ADH7: variants seen among roughly 807,000 people sequenced by gnomAD.
ADH7 encodes all-trans-retinol dehydrogenase [NAD(+)] ADH7.
A neutral mutation model predicts 34.4 loss-of-function variants in ADH7; 41 were observed. That is an observed-to-expected ratio of 1.19 (90% confidence interval 0.93 to 1.55). The LOEUF is 1.55. Ranked by LOEUF, ADH7 falls within the 40% of genes most tolerant of loss-of-function variation. The probability of loss-of-function intolerance (pLI) is 0.00; values close to 1 mark genes in which losing one functional copy is unlikely to be tolerated. For synonymous variants in ADH7, 180 were observed against 160.9 expected (o/e 1.12, Z -0.90); for missense variants, 540 against 461.2 (o/e 1.17, Z -1.56).
chr4:99,428,535 C>G lies in ADH7; in HGVS notation c.216G>C (p.Gly72=). 5 of 1,613,902 alleles carry G rather than the reference C, an allele frequency of 3.1e-6. No individual in the cohort carries two copies. Among genetic ancestry groups the G allele is most frequent in the Non-Finnish European group, 4.2e-6 (5 of 1,179,884 alleles). Residue 72 remains glycine (G), a synonymous_variant, in exon 3 of 9, where the codon GGG becomes GGC. Transcript: ENST00000437033. ...FPVIVGHEAT[G]IVESIGEGVT... ...CTCCTTCTCCAATGCTCTCTACAAT[C>G]CCAGTTGCCTCATGTCCCACAATCA...
intron 1 of ADH7, among the ~76,000 whole-genome samples, chr4:99,431,496 T>C (rs1721936594): frequency 6.6e-6 from 1 of 152,194 alleles, no homozygotes; most frequent in East Asian, 1.9e-4. Flanking sequence ...AAAGGGCTTC[T>C]GCACAGCAAG....
rs1721584626 is a variant in ADH7, at chr4:99,418,994, A to G, written c.953T>C (p.Val318Ala). The G allele has an allele frequency of 6.2e-7, 1 of 1,613,712 alleles. No individual in the cohort carries two copies. The highest frequency in any genetic ancestry group is 1.3e-5 in the African/African-American group (1 of 75,016). Reference sequence around the variant, plus strand: ...GGCTTTGCTTTCCTGACCTCCAAAGACACATCCCTTCCATGTGCGTCCAGT... The same window carrying G: ...GGCTTTGCTTTCCTGACCTCCAAAGGCACATCCCTTCCATGTGCGTCCAGT... ...LFTGRTWKGC[V>A]FGGLKSRDDV... Residue 318 changes from valine (V) to alanine (A), a missense_variant, in exon 7 of 9, where the codon GTC becomes GCC. By Grantham distance (64) the Val-to-Ala change is moderately conservative. Transcript: ENST00000437033.
intron 5 of ADH7, among the ~76,000 whole-genome samples, chr4:99,421,344 C>A (rs1579574682): frequency 6.6e-6 from 1 of 152,264 alleles, no homozygotes; most frequent in Admixed American, 6.5e-5. Flanking sequence ...AGAAATAACA[C>A]CACACATCTA....
Position 99,427,756 on chromosome 4 carries a change from C to T in ADH7, c.564+17G>A, listed in dbSNP as rs754625487. 2.0e-6 allele frequency: 3 copies of T among 1,484,524 alleles called. No homozygotes were observed. The highest frequency in any genetic ancestry group is 1.5e-5 in the South Asian group (1 of 67,622). The allele number at this position is 1,484,524 out of a possible 1,614,324, so 92.0% of individuals were successfully genotyped here. ...AAGGAAAGAAGAACAAATAAACTAGCCTACCCTGTTTCTTACCTTGCCAGT... is the reference window on the plus strand; with the variant it reads ...AAGGAAAGAAGAACAAATAAACTAGTCTACCCTGTTTCTTACCTTGCCAGT... On this transcript the variant is annotated intron_variant, in intron 5 of 8. Transcript: ENST00000437033.
At chr4:99,431,897 A>G (rs562681427) in intron 1 of ADH7, among the ~76,000 whole-genome samples, 2 of 152,340 alleles carry the variant, frequency 1.3e-5, no homozygotes, top group African/African-American at 2.4e-5. Flanking sequence ...CCACTGTGGA[A>G]AGCAGTCTGG....
Position 99,419,136 on chromosome 4 carries a change from G to C in ADH7, c.826-15C>G. The C allele has an allele frequency of 6.2e-7, 1 of 1,611,528 alleles. No homozygotes were observed. The highest frequency in any genetic ancestry group is 8.5e-7 in the Non-Finnish European group (1 of 1,178,672). ...AGGGCATCAATCTGAGTTTAAAACG[G>C]AGGAGATCGTTTGCTTCCTGTGTCT... On this transcript the variant is annotated splice_polypyrimidine_tract_variant and intron_variant, in intron 6 of 8. Coordinates refer to ENST00000437033, the MANE Select transcript of ADH7 (RefSeq NM_000673.7).
intron 1 of ADH7, chr4:99,435,014 A>T: frequency 6.6e-7 from 1 of 1,524,764 alleles, no homozygotes. Flanking sequence ...TGGATATACT[A>T]TTTCCAACTT....
chr4:99,433,809 A>T (rs1179881364), intron 1 of ADH7, among the ~76,000 whole-genome samples: 2 of 152,166 alleles, frequency 1.3e-5, no homozygotes, highest in Non-Finnish European at 2.9e-5. Context: ...ACAAGAAAAC[A>T]AATTTCTGCT....
At chr4:99,419,499 G>A (rs550565630) in intron 6 of ADH7, among the ~76,000 whole-genome samples, 1 of 151,786 alleles carries the variant, frequency 6.6e-6, no homozygotes, top group East Asian at 1.9e-4. Context: ...TTTTTTTTAA[G>A]TTTAGTCTTA....
At chr4:99,415,800 GA>G (rs2110132422) in intron 7 of ADH7, 184 bp from the exon 8 acceptor site, 1 of 523,016 alleles carries the variant, frequency 1.9e-6, no homozygotes, top group African/African-American at 1.9e-5. Context: ...CCATAAAAAA[GA>G]ATGAGTTCAT....
intron 1 of ADH7, among the ~76,000 whole-genome samples, chr4:99,432,179 C>T (rs192578370): frequency 6.6e-6 from 1 of 152,230 alleles, no homozygotes; most frequent in Admixed American, 6.5e-5. Flanking sequence ...ATGGAAGGAG[C>T]TGGAGGCCAT....
In ADH7 at chr4:99,431,783, A is replaced by G. The variant is rs532340382; in HGVS notation, c.19-2150T>C. Among the ~76,000 whole-genome samples, 151 of 152,328 alleles carry G rather than the reference A, an allele frequency of 9.9e-4. 1 individual carries two copies. Among genetic ancestry groups the G allele is most frequent in the African/African-American group, 3.0e-3 (123 of 41,574 alleles). On this transcript the variant is annotated intron_variant, in intron 1 of 8. Transcript: ENST00000437033. Reference sequence around the variant, plus strand: ...AAACCACAATGAGGTACTATCTCATATCAGTCAGAATGACTATTGCTAAAA... The same window carrying G: ...AAACCACAATGAGGTACTATCTCATGTCAGTCAGAATGACTATTGCTAAAA...
chr4:99,424,759 C>T (rs994056375), intron 5 of ADH7, among the ~76,000 whole-genome samples: 1 of 152,130 alleles, frequency 6.6e-6, no homozygotes. Context: ...TGCTTATCAG[C>T]TTAAGGAGAT....
chr4:99,422,452 A>G (rs996398826), intron 5 of ADH7, among the ~76,000 whole-genome samples: 27 of 152,166 alleles, frequency 1.8e-4, no homozygotes, highest in Non-Finnish European at 1.5e-5. Flanking sequence ...GAGTTGAACA[A>G]TGAGAACACA....
At chr4:99,432,857 T>G (rs753640759) in intron 1 of ADH7, 2 of 152,200 alleles carry the variant, frequency 1.3e-5, no homozygotes, top group Non-Finnish European at 1.5e-5. Flanking sequence ...AAAAAAAATT[T>G]TTTTAAGACA....
intron 7 of ADH7, among the ~76,000 whole-genome samples, chr4:99,418,629 T>C (rs1021498847): frequency 2.6e-4 from 39 of 152,174 alleles, no homozygotes. Flanking sequence ...TTGGTGCTAT[T>C]ATGAATCGAA....
chr4:99,428,463 C>G lies in ADH7; in HGVS notation c.259+29G>C, dbSNP rs781774753. On this transcript the variant is annotated intron_variant, in intron 3 of 8. Coordinates refer to ENST00000437033, the MANE Select transcript of ADH7 (RefSeq NM_000673.7). ...TAGGCTAATCAAAGCCTAATTATTT[C>G]AAACTTGTGGTTTGACACCTGCATA... 35 of 1,599,908 alleles carry G rather than the reference C, an allele frequency of 2.2e-5. 1 individual carries two copies. Among genetic ancestry groups the G allele is most frequent in the Non-Finnish European group, 2.8e-5 (33 of 1,175,202 alleles).
chr4:99,420,526 G>T lies in ADH7; in HGVS notation c.825+7C>A. The stretch of plus-strand genomic sequence containing the variant: ...TATTTTGTGGCTTCTCAAATTTTGG[G>T]TCTTACCATGGTTTCAAGATGCCCA... On this transcript the variant is annotated splice_region_variant and intron_variant, in intron 6 of 8. Coordinates refer to ENST00000437033, the MANE Select transcript of ADH7 (RefSeq NM_000673.7). 6.2e-7 allele frequency: 1 copy of T among 1,609,794 alleles called. No individual in the cohort carries two copies. The highest frequency in any genetic ancestry group is 8.5e-7 in the Non-Finnish European group (1 of 1,176,830).
At chr4:99,433,663 T>G (rs1396083632) in intron 1 of ADH7, among the ~76,000 whole-genome samples, 2 of 152,048 alleles carry the variant, frequency 1.3e-5, no homozygotes, top group Non-Finnish European at 2.9e-5. Context: ...GGTGTCTTTA[T>G]TAGAAGGGGA....
Sources: allele counts gnomAD v4.1 joint callset (sites outside exome capture counted in the v4.1 genomes callset), GRCh38; gene constraint gnomAD v4.1.1; transcripts MANE v1.5; gene names NCBI Gene and HGNC (gene_info 2026-07-23, HGNC 2026-07-21).